The following MID1 variants were observed in gnomAD, a reference collection of about 807,000 sequenced individuals.
MID1 encodes the protein midline 1.
In MID1, 7 loss-of-function variants were observed where a neutral mutation model predicts 40.4. The observed-to-expected ratio is 0.17, with a 90% CI of 0.10 to 0.33. The LOEUF is 0.33. Among genes scored for constraint, MID1 ranks in the 10% least tolerant of loss-of-function variants. MID1 has a pLI of 1.00. For missense variants in MID1, 367 were observed against 558.5 expected (o/e 0.66, Z 3.46); for synonymous variants, 229 against 221.2 (o/e 1.04, Z -0.31).
intron 1 of MID1, chrX:10,590,023 G>C (rs914852298): frequency 1.7e-4 from 19 of 111,110 alleles, no homozygotes; most frequent in African/African-American, 6.2e-4. Flanking sequence ...CCACGTAAGA[G>C]GGTTGTGATC....
intron 1 of MID1, among the ~76,000 whole-genome samples, chrX:10,646,167 A>C (rs1226683318): frequency 8.9e-6 from 1 of 112,161 alleles, no homozygotes; most frequent in Non-Finnish European, 1.9e-5. Context: ...GGGCAGACAC[A>C]GGCTAAGACA....
At chrX:10,593,254 A>G (rs1935345114) in intron 1 of MID1, among the ~76,000 whole-genome samples, 1 of 112,458 alleles carries the variant, frequency 8.9e-6, no homozygotes, top group African/African-American at 3.2e-5. Flanking sequence ...TAATTTTAAT[A>G]TAGTACTTCC....
At chrX:10,530,279 T>G (rs778458068) in intron 2 of MID1, among the ~76,000 whole-genome samples, 2 of 112,055 alleles carry the variant, frequency 1.8e-5, no homozygotes, top group Admixed American at 1.9e-4. Context: ...CCCAAGTGAT[T>G]TTTTCATAGT....
At chrX:10,701,488 GA>G (rs769394109) in intron 1 of MID1, among the ~76,000 whole-genome samples, 1 of 111,829 alleles carries the variant, frequency 8.9e-6, no homozygotes, top group East Asian at 2.8e-4. Flanking sequence ...GCTGGTAAAT[GA>G]GAAACGGAGC....
At chrX:10,555,493 G>T (rs1934084231) in intron 2 of MID1, among the ~76,000 whole-genome samples, 1 of 111,151 alleles carries the variant, frequency 9.0e-6, no homozygotes, top group Non-Finnish European at 1.9e-5. Flanking sequence ...CTTATTACAT[G>T]TTATAATGAG....
At chrX:10,644,251 G>T (rs1936237645) in intron 1 of MID1, among the ~76,000 whole-genome samples, 1 of 110,520 alleles carries the variant, frequency 9.0e-6, no homozygotes, top group Non-Finnish European at 1.9e-5. Flanking sequence ...AAATTAAATT[G>T]TGCCCTTTAA....
chrX:10,772,418 T>C (rs7053549), intron 1 of MID1, among the ~76,000 whole-genome samples: 1 of 108,173 alleles, frequency 9.2e-6, no homozygotes, highest in Non-Finnish European at 1.9e-5. Flanking sequence ...GGGGAAAGGG[T>C]GGGAAGGGGG....
chrX:10,802,685 C>T (rs142464993), intron 1 of MID1, among the ~76,000 whole-genome samples: 3,689 of 111,473 alleles, frequency 0.033, 60 homozygotes, highest in Non-Finnish European at 0.052. Flanking sequence ...TTATATATCC[C>T]AGGGAAAGGA....
chrX:10,508,919 A>G (rs1931977621), intron 3 of MID1, among the ~76,000 whole-genome samples: 1 of 111,551 alleles, frequency 9.0e-6, no homozygotes, highest in African/African-American at 3.3e-5. Context: ...TGAGGAGTTT[A>G]ACTTGGGAGT....
chrX:10,495,453 T>C, intron 4 of MID1, 131 bp downstream of exon 4: 2 of 554,306 alleles, frequency 3.6e-6, no homozygotes, highest in Non-Finnish European at 6.0e-6. Context: ...AACTAAGTCT[T>C]AAAGACTTAA....
At chrX:10,655,212 A>C (rs1012103234) in intron 1 of MID1, among the ~76,000 whole-genome samples, 3 of 111,971 alleles carry the variant, frequency 2.7e-5, no homozygotes, top group African/African-American at 9.7e-5. Flanking sequence ...TCTAGGAAAC[A>C]CAAGAATTAA....
intron 7 of MID1, among the ~76,000 whole-genome samples, chrX:10,465,530 A>G (rs1301493286): frequency 1.8e-5 from 2 of 110,925 alleles, no homozygotes; most frequent in Non-Finnish European, 3.8e-5. Flanking sequence ...TACAGATATA[A>G]TTAAGGTCCC....
chrX:10,725,011 C>T (rs1403682145), intron 1 of MID1, among the ~76,000 whole-genome samples: 2 of 112,213 alleles, frequency 1.8e-5, no homozygotes, highest in African/African-American at 3.2e-5. Context: ...TTCCATTATG[C>T]TCTAGCCTTA....
chrX:10,529,577 G>C (rs1989970), intron 2 of MID1, among the ~76,000 whole-genome samples: 1 of 111,568 alleles, frequency 9.0e-6, no homozygotes, highest in African/African-American at 3.3e-5. Flanking sequence ...CTTTCCTTTC[G>C]TGGTCAGTAT....
At chrX:10,639,667 C>T (rs753360153) in intron 1 of MID1, among the ~76,000 whole-genome samples, 2 of 111,195 alleles carry the variant, frequency 1.8e-5, no homozygotes, top group East Asian at 5.7e-4. Context: ...CAGAGAATGC[C>T]ACAAAGATAC....
chrX:10,754,716 T>G (rs150455981), intron 1 of MID1, among the ~76,000 whole-genome samples: 2,166 of 111,363 alleles, frequency 0.019, 17 homozygotes, highest in Non-Finnish European at 0.03. Flanking sequence ...CCATTTTCTA[T>G]GGCCCTGCAA....
intron 6 of MID1, among the ~76,000 whole-genome samples, chrX:10,471,381 C>T (rs186131743): frequency 5.3e-5 from 6 of 112,278 alleles, no homozygotes; most frequent in African/African-American, 1.6e-4. Context: ...AGCAAGTCTA[C>T]GGTATTAAGT....
chrX:10,562,232 G>A (rs1032069302), intron 2 of MID1, among the ~76,000 whole-genome samples: 5 of 103,674 alleles, frequency 4.8e-5, no homozygotes, highest in East Asian at 5.8e-4. Flanking sequence ...GTTGTGGGGC[G>A]AGCGGGGGAG....
At chrX:10,813,143 C>T (rs948790676) in intron 1 of MID1, among the ~76,000 whole-genome samples, 1 of 108,494 alleles carries the variant, frequency 9.2e-6, no homozygotes, top group African/African-American at 3.4e-5. Context: ...GGAAGATGGT[C>T]TAGTTTTGAA....
Sources: allele counts gnomAD v4.1 joint callset (sites outside exome capture counted in the v4.1 genomes callset), GRCh38; gene constraint gnomAD v4.1.1; transcripts MANE v1.5; gene names NCBI Gene and HGNC (gene_info 2026-07-23, HGNC 2026-07-21).